NR2F1-AS1: variants seen among roughly 807,000 people sequenced by gnomAD.
The protein encoded by NR2F1-AS1 is NR2F1 antisense RNA 1.
chr5:93,466,581 G>A (rs1430952712), intron 4 of NR2F1-AS1, among the ~76,000 whole-genome samples: 7 of 151,740 alleles, frequency 4.6e-5, no homozygotes, highest in Non-Finnish European at 8.8e-5. Context: ...GAAGTGACCC[G>A]CCCACCTCAG....
intron 3 of NR2F1-AS1, among the ~76,000 whole-genome samples, chr5:93,554,325 G>C (rs545526692): frequency 2.6e-5 from 4 of 151,980 alleles, no homozygotes; most frequent in African/African-American, 9.7e-5. Flanking sequence ...AAATTACTTT[G>C]ACATTTCCTA....
chr5:93,439,597 G>T (rs960048566), intron 4 of NR2F1-AS1, among the ~76,000 whole-genome samples: 1 of 152,150 alleles, frequency 6.6e-6, no homozygotes, highest in Non-Finnish European at 1.5e-5. Context: ...CCCGGCCAAG[G>T]CTTTTCTTTT....
At chr5:93,457,160 C>T (rs913920580) in intron 4 of NR2F1-AS1, among the ~76,000 whole-genome samples, 7 of 152,250 alleles carry the variant, frequency 4.6e-5, no homozygotes, top group African/African-American at 7.2e-5. Flanking sequence ...AGACCCTTTA[C>T]GGGTGTCGGG....
intron 4 of NR2F1-AS1, among the ~76,000 whole-genome samples, chr5:93,522,291 C>A (rs1751518000): frequency 6.6e-6 from 1 of 152,020 alleles, no homozygotes. Context: ...ATAATCTGTA[C>A]AACAAACCCC....
At chr5:93,491,592 A>G (rs1194221229) in intron 4 of NR2F1-AS1, among the ~76,000 whole-genome samples, 1 of 152,144 alleles carries the variant, frequency 6.6e-6, no homozygotes, top group African/African-American at 2.4e-5. Flanking sequence ...TTAATCAGTT[A>G]ACAAAGGAAA....
At chr5:93,428,771 T>G (rs546853094) in intron 4 of NR2F1-AS1, among the ~76,000 whole-genome samples, 1 of 152,306 alleles carries the variant, frequency 6.6e-6, no homozygotes, top group South Asian at 2.1e-4. Context: ...AGTAAAAATT[T>G]TAAACCCTAT....
At chr5:93,452,755 G>A (rs1408095876) in intron 4 of NR2F1-AS1, among the ~76,000 whole-genome samples, 2 of 152,128 alleles carry the variant, frequency 1.3e-5, no homozygotes, top group Non-Finnish European at 2.9e-5. Flanking sequence ...TTAGCAGTAA[G>A]GCTAACTTAG....
intron 4 of NR2F1-AS1, among the ~76,000 whole-genome samples, chr5:93,532,506 C>A (rs78898869): frequency 1.6e-4 from 25 of 152,292 alleles, no homozygotes; most frequent in African/African-American, 5.3e-4. Flanking sequence ...TTTCCAAGAC[C>A]TCGGTCTGAA....
chr5:93,531,931 T>C (rs940762167), intron 4 of NR2F1-AS1, among the ~76,000 whole-genome samples: 2 of 152,182 alleles, frequency 1.3e-5, no homozygotes, highest in Non-Finnish European at 2.9e-5. Flanking sequence ...TAAGCAAGAA[T>C]AACAGCAGCA....
intron 4 of NR2F1-AS1, among the ~76,000 whole-genome samples, chr5:93,455,131 T>C (rs906009720): frequency 1.3e-5 from 2 of 152,180 alleles, no homozygotes; most frequent in African/African-American, 4.8e-5. Context: ...TGAGGTCTTG[T>C]GGTTCTGCCT....
chr5:93,452,740 T>C (rs535590320), intron 4 of NR2F1-AS1, among the ~76,000 whole-genome samples: 4 of 152,306 alleles, frequency 2.6e-5, no homozygotes, highest in East Asian at 1.9e-4. Flanking sequence ...GAGGTATTTG[T>C]AGAGTTAGCA....
intron 4 of NR2F1-AS1, among the ~76,000 whole-genome samples, chr5:93,475,252 T>A (rs1455308036): frequency 2.6e-5 from 4 of 152,082 alleles, no homozygotes; most frequent in Admixed American, 6.6e-5. Flanking sequence ...ATCCAAAAAG[T>A]TAAAAGCTAT....
chr5:93,415,857 G>A (rs1401266533), intron 4 of NR2F1-AS1, among the ~76,000 whole-genome samples: 1 of 152,202 alleles, frequency 6.6e-6, no homozygotes, highest in Admixed American at 6.5e-5. Flanking sequence ...AGGAAGATGG[G>A]CACTTTTTTT....
In NR2F1-AS1 at chr5:93,556,391, C is replaced by T. The variant is rs1206140213; in HGVS notation, n.414-1396G>A. 3.3e-5 allele frequency among the ~76,000 whole-genome samples: 5 copies of T among 152,156 alleles called. No individual in the cohort carries two copies. The East Asian group carries it at 5.8e-4, about 18-fold the overall frequency. ...ACATACGCACATATCATTATTCCAA[C>T]GTTTTGATAAACAAACTTATGTATA... On this transcript the variant is annotated intron_variant and non_coding_transcript_variant, in intron 2 of 5. Transcript: ENST00000660523.
chr5:93,492,810 A>G (rs970128147), intron 4 of NR2F1-AS1, among the ~76,000 whole-genome samples: 1 of 152,080 alleles, frequency 6.6e-6, no homozygotes, highest in Non-Finnish European at 1.5e-5. Context: ...ATACATGCAG[A>G]AGGAGTATTT....
At chr5:93,539,419 C>A (rs938117187) in intron 4 of NR2F1-AS1, among the ~76,000 whole-genome samples, 1 of 151,866 alleles carries the variant, frequency 6.6e-6, no homozygotes, top group African/African-American at 2.4e-5. Flanking sequence ...GAATACTAAT[C>A]GTCCATTAAA....
upstream of NR2F1-AS1, chr5:93,580,782 C>T (rs1254078194): frequency 6.6e-6 from 1 of 152,234 alleles, no homozygotes; most frequent in Admixed American, 6.5e-5. Flanking sequence ...TTCGTTTCAC[C>T]TTTTAACTGA....
At chr5:93,450,139 C>T (rs1046658989) in intron 4 of NR2F1-AS1, among the ~76,000 whole-genome samples, 2 of 152,124 alleles carry the variant, frequency 1.3e-5, no homozygotes, top group Admixed American at 6.5e-5. Context: ...AAATGGATGA[C>T]TTCTTCATAA....
At chr5:93,503,167 C>G (rs1184270683) in intron 4 of NR2F1-AS1, among the ~76,000 whole-genome samples, 6 of 152,102 alleles carry the variant, frequency 3.9e-5, no homozygotes, top group African/African-American at 1.4e-4. Context: ...ATGAAATAAA[C>G]TAACTTATGT....
Sources: gnomAD v4.1 joint callset for allele counts (sites outside exome capture counted in the v4.1 genomes callset) on GRCh38, gnomAD v4.1.1 for gene constraint, MANE v1.5 for transcripts, NCBI Gene and HGNC (gene_info 2026-07-23, HGNC 2026-07-21) for gene names.